CFAP299: variants seen among roughly 807,000 people sequenced by gnomAD.
CFAP299 encodes the protein cilia- and flagella-associated protein 299.
Under a neutral mutation model 27.0 loss-of-function variants are expected in CFAP299, and 21 were observed. That is an observed-to-expected ratio of 0.78 (90% CI 0.55 to 1.12). The LOEUF (loss-of-function observed/expected upper bound fraction) is 1.12, where lower values mean the gene tolerates loss of function less well. Among genes scored for constraint, CFAP299 ranks in the 50% most tolerant of loss-of-function variants. The pLI is 0.00. For missense variants in CFAP299, 310 were observed against 276.6 expected, an observed-to-expected ratio of 1.12 and a Z score of -0.86; for synonymous variants, 104 against 98.1, an observed-to-expected ratio of 1.06 and a Z score of -0.36.
At chr4:80,326,103 C>A in the CFAP299 span, among the ~76,000 whole-genome samples, 1 of 152,128 alleles carries the variant, frequency 6.6e-6, no homozygotes, top group Non-Finnish European at 1.5e-5. Flanking sequence ...GATATTAGAT[C>A]CTGGAAGGTA....
intron 4 of CFAP299, among the ~76,000 whole-genome samples, chr4:80,892,265 G>A (rs1326982912): frequency 6.6e-6 from 1 of 152,136 alleles, no homozygotes; most frequent in Admixed American, 6.6e-5. Context: ...GGAAAAGGCA[G>A]TCTGTTGAAT....
intron 3 of CFAP299, among the ~76,000 whole-genome samples, chr4:80,695,907 C>T (rs1309022789): frequency 1.3e-5 from 2 of 152,084 alleles, no homozygotes; most frequent in African/African-American, 4.8e-5. Flanking sequence ...ACCTTGGCTT[C>T]CCAAAGTGCT....
At chr4:80,580,255 G>T (rs1736096248) in intron 2 of CFAP299, among the ~76,000 whole-genome samples, 1 of 152,032 alleles carries the variant, frequency 6.6e-6, no homozygotes, top group African/African-American at 2.4e-5. Context: ...AAATGACATT[G>T]ACAAAGCTTG....
intron 3 of CFAP299, among the ~76,000 whole-genome samples, chr4:80,657,661 T>G (rs1306315668): frequency 6.6e-6 from 1 of 152,198 alleles, no homozygotes; most frequent in Non-Finnish European, 1.5e-5. Flanking sequence ...TCAGGTAGCA[T>G]GATGCCTCCA....
chr4:80,351,811 T>C (rs1049187227), intron 1 of CFAP299, among the ~76,000 whole-genome samples: 6 of 150,602 alleles, frequency 4.0e-5, no homozygotes, highest in African/African-American at 1.5e-4. Context: ...GTTATAGTAA[T>C]ATATTAATAA....
intron 3 of CFAP299, among the ~76,000 whole-genome samples, chr4:80,604,721 G>C (rs991493068): frequency 2.0e-5 from 3 of 152,102 alleles, no homozygotes; most frequent in Admixed American, 6.6e-5. Flanking sequence ...ACTGGCAACT[G>C]GAAAGCAAAG....
chr4:80,593,312 T>G (rs1188714278), intron 3 of CFAP299, among the ~76,000 whole-genome samples: 1 of 152,190 alleles, frequency 6.6e-6, no homozygotes, highest in Non-Finnish European at 1.5e-5. Flanking sequence ...ATACTCTGCT[T>G]CAGTTTTTGA....
chr4:80,461,171 G>T (rs1301076318), intron 2 of CFAP299, among the ~76,000 whole-genome samples: 1 of 152,054 alleles, frequency 6.6e-6, no homozygotes, highest in Non-Finnish European at 1.5e-5. Flanking sequence ...TTTTCATGCA[G>T]ATGAAGCCTC....
rs140587836 is a variant in CFAP299, at chr4:80,828,038, AT to A, written c.334-41953del. On this transcript the variant is annotated intron_variant, in intron 3 of 5. Transcript: ENST00000358105. ...AAACTACAAAGCATTTCTGAAAGAA[AT>A]TAAAGAATATATAAACAAATAAGAA... Among the ~76,000 whole-genome samples, 189 of 152,216 alleles carry A rather than the reference AT, an allele frequency of 1.2e-3. 2 individuals carry two copies. The highest frequency in any genetic ancestry group is 4.4e-3 in the African/African-American group (181 of 41,568).
At chr4:80,875,939 G>A (rs1239656034) in intron 4 of CFAP299, among the ~76,000 whole-genome samples, 2 of 151,760 alleles carry the variant, frequency 1.3e-5, no homozygotes. Flanking sequence ...CACCCACTAC[G>A]TGTGAGTTTA....
At chr4:80,431,749 A>G (rs1578435421) in intron 2 of CFAP299, among the ~76,000 whole-genome samples, 1 of 151,944 alleles carries the variant, frequency 6.6e-6, no homozygotes, top group Non-Finnish European at 1.5e-5. Flanking sequence ...CTGCTCATTA[A>G]CCCTATTGTT....
intron 3 of CFAP299, among the ~76,000 whole-genome samples, chr4:80,589,629 G>T (rs954370811): frequency 2.6e-5 from 4 of 151,924 alleles, no homozygotes; most frequent in Admixed American, 2.0e-4. Flanking sequence ...ATCAACAACT[G>T]AACAGATTAT....
intron 2 of CFAP299, among the ~76,000 whole-genome samples, chr4:80,398,880 AACT>A (rs1355947082): frequency 6.6e-6 from 1 of 152,224 alleles, no homozygotes; most frequent in Non-Finnish European, 1.5e-5. Flanking sequence ...CAGCAAAAGA[AACT>A]ACCATCAGAG....
chr4:80,330,880 A>G (rs886438206), upstream of CFAP299, among the ~76,000 whole-genome samples: 2 of 152,222 alleles, frequency 1.3e-5, no homozygotes, highest in Admixed American at 6.5e-5. Context: ...TTGAGGGATC[A>G]TTATGTTCCA....
At chr4:80,939,434 T>G (rs545095119) in intron 4 of CFAP299, among the ~76,000 whole-genome samples, 1 of 152,200 alleles carries the variant, frequency 6.6e-6, no homozygotes, top group Admixed American at 6.5e-5. Context: ...GATTCTTTCT[T>G]CTGTTTGATC....
intron 3 of CFAP299, among the ~76,000 whole-genome samples, chr4:80,845,460 T>G (rs923087119): frequency 6.6e-6 from 1 of 152,164 alleles, no homozygotes; most frequent in Admixed American, 6.6e-5. Flanking sequence ...CAAATTTTAT[T>G]TCACATCATG....
intron 1 of CFAP299, among the ~76,000 whole-genome samples, chr4:80,341,461 A>T (rs911499911): frequency 1.3e-5 from 2 of 152,144 alleles, no homozygotes; most frequent in Non-Finnish European, 2.9e-5. Context: ...CTCCACTGGG[A>T]TGGAGCTCCC....
chr4:80,594,174 A>T (rs1578647619), intron 3 of CFAP299, among the ~76,000 whole-genome samples: 1 of 152,184 alleles, frequency 6.6e-6, no homozygotes, highest in East Asian at 1.9e-4. Context: ...AATAAGCTTA[A>T]TTGACTCACA....
chr4:80,724,893 CTTTCTTTCTT>C (rs1041779511), intron 3 of CFAP299, among the ~76,000 whole-genome samples: 10 of 132,146 alleles, frequency 7.6e-5, no homozygotes, highest in African/African-American at 2.5e-4. Context: ...TTCTTTCTTT[CTTTCTTTCTT>C]TTTCTTTCTT....
Sources: allele counts gnomAD v4.1 joint callset (sites outside exome capture counted in the v4.1 genomes callset), GRCh38; gene constraint gnomAD v4.1.1; transcripts MANE v1.5; gene names NCBI Gene and HGNC (gene_info 2026-07-23, HGNC 2026-07-21).